DGKB: variants seen among roughly 807,000 people sequenced by gnomAD.
DGKB encodes the protein 90 kDa diacylglycerol kinase.
A neutral mutation model predicts 114.3 loss-of-function variants in DGKB; 67 were observed. That is an observed-to-expected ratio of 0.59 (90% CI 0.48 to 0.72). The LOEUF (loss-of-function observed/expected upper bound fraction) is 0.72, where lower values mean the gene tolerates loss of function less well. Ranked by LOEUF, DGKB falls within the 30% of genes least tolerant of loss-of-function variation. The probability of loss-of-function intolerance (pLI) is 0.00; values close to 1 mark genes in which losing one functional copy is unlikely to be tolerated. For missense variants in DGKB, 907 were observed against 975.2 expected (o/e 0.93, Z 0.93); for synonymous variants, 398 against 323.1 (o/e 1.23, Z -2.49).
chr7:14,592,780 G>C (rs1038460177), intron 17 of DGKB, among the ~76,000 whole-genome samples: 2 of 151,292 alleles, frequency 1.3e-5, no homozygotes, highest in Non-Finnish European at 3.0e-5. Context: ...TGTGGGTTTC[G>C]ATGTTTTATC....
chr7:14,733,350 C>G (rs559279740), intron 5 of DGKB, among the ~76,000 whole-genome samples: 1 of 152,352 alleles, frequency 6.6e-6, no homozygotes, highest in South Asian at 2.1e-4. Context: ...AAAAAAGCTT[C>G]TATCAACATG....
upstream of DGKB, among the ~76,000 whole-genome samples, chr7:14,905,110 T>C (rs188222568): frequency 1.4e-4 from 22 of 152,180 alleles, no homozygotes; most frequent in East Asian, 4.1e-3. Flanking sequence ...ACTCTAAACA[T>C]TATTGAGAGA....
intron 21 of DGKB, among the ~76,000 whole-genome samples, chr7:14,461,783 C>T (rs1833117284): frequency 6.6e-6 from 1 of 152,126 alleles, no homozygotes; most frequent in African/African-American, 2.4e-5. Flanking sequence ...GATACCAAAA[C>T]CTGGCAGAGA....
At chr7:14,414,404 A>G (rs915793824) in intron 21 of DGKB, among the ~76,000 whole-genome samples, 1 of 152,096 alleles carries the variant, frequency 6.6e-6, no homozygotes, top group Non-Finnish European at 1.5e-5. Flanking sequence ...TGACATACAA[A>G]TTGTTTTGGA....
At chr7:14,715,159 AG>A in intron 6 of DGKB, among the ~76,000 whole-genome samples, 1 of 152,306 alleles carries the variant, frequency 6.6e-6, no homozygotes. Context: ...TTATAAATCA[AG>A]AGTCAAGGTT....
intron 2 of DGKB, among the ~76,000 whole-genome samples, chr7:14,774,757 G>A (rs1195421604): frequency 6.6e-6 from 1 of 152,008 alleles, no homozygotes; most frequent in Non-Finnish European, 1.5e-5. Flanking sequence ...CAATTTTTGA[G>A]ATTTTTAAAA....
chr7:14,361,080 A>C (rs929805486), intron 21 of DGKB, among the ~76,000 whole-genome samples: 1 of 152,082 alleles, frequency 6.6e-6, no homozygotes, highest in African/African-American at 2.4e-5. Context: ...ACTTAAAAAA[A>C]ATACTTCTAA....
At chr7:14,284,877 G>C (rs12666857) in intron 23 of DGKB, among the ~76,000 whole-genome samples, 5,665 of 109,282 alleles carry the variant, frequency 0.052, 347 homozygotes, top group African/African-American at 0.15. Context: ...GGGGGGAGGG[G>C]GGAGGGATAG....
intron 23 of DGKB, among the ~76,000 whole-genome samples, chr7:14,330,020 A>G (rs1479152556): frequency 5.3e-5 from 8 of 152,064 alleles, no homozygotes; most frequent in Admixed American, 4.6e-4. Flanking sequence ...TACCACTGAT[A>G]TCAGATATCA....
At chr7:14,709,414 C>T (rs1322788561) in intron 6 of DGKB, among the ~76,000 whole-genome samples, 4 of 124,264 alleles carry the variant, frequency 3.2e-5, no homozygotes, top group Non-Finnish European at 6.9e-5. Flanking sequence ...GTGGCGATTC[C>T]TCAGGGATCT....
chr7:14,194,521 A>C (rs982959547), intron 23 of DGKB, among the ~76,000 whole-genome samples: 1 of 152,156 alleles, frequency 6.6e-6, no homozygotes, highest in Non-Finnish European at 1.5e-5. Flanking sequence ...TATAACAAGA[A>C]GATAAGAATC....
chr7:14,375,280 CTT>C (rs1441885916), intron 21 of DGKB, among the ~76,000 whole-genome samples: 1 of 152,188 alleles, frequency 6.6e-6, no homozygotes, highest in Non-Finnish European at 1.5e-5. Flanking sequence ...TCTCTTTTCT[CTT>C]TTAGATATGT....
At chr7:14,735,257 G>T (rs190262404) in intron 5 of DGKB, among the ~76,000 whole-genome samples, 1 of 152,080 alleles carries the variant, frequency 6.6e-6, no homozygotes, top group African/African-American at 2.4e-5. Flanking sequence ...TTCCACAAAA[G>T]TCCAAGGGCT....
intron 23 of DGKB, among the ~76,000 whole-genome samples, chr7:14,230,018 C>T (rs115206546): frequency 0.02 from 3,054 of 151,884 alleles, 83 homozygotes; most frequent in African/African-American, 0.061. Flanking sequence ...GGAGGAGGTG[C>T]GAAAAAGAGT....
chr7:14,519,686 C>T (rs1789425115), intron 20 of DGKB, among the ~76,000 whole-genome samples: 1 of 151,734 alleles, frequency 6.6e-6, no homozygotes, highest in South Asian at 2.1e-4. Flanking sequence ...GTGGAGGTTC[C>T]AGGTATTGGA....
At chr7:14,596,185 G>A (rs1203892767) in intron 17 of DGKB, among the ~76,000 whole-genome samples, 1 of 152,068 alleles carries the variant, frequency 6.6e-6, no homozygotes, top group Non-Finnish European at 1.5e-5. Context: ...CAGGAATAAT[G>A]ATACATTTAA....
intron 21 of DGKB, among the ~76,000 whole-genome samples, chr7:14,391,885 T>A (rs1305094923): frequency 6.6e-6 from 1 of 152,204 alleles, no homozygotes; most frequent in Non-Finnish European, 1.5e-5. Context: ...ACTTTACTAA[T>A]CATATGAAAT....
chr7:14,249,601 T>C (rs2128386988), intron 23 of DGKB, among the ~76,000 whole-genome samples: 1 of 152,286 alleles, frequency 6.6e-6, no homozygotes, highest in Admixed American at 6.5e-5. Context: ...AACCATTTTT[T>C]CAAGGTTATC....
chr7:14,849,432 G>C (rs143408420), intron 1 of DGKB, among the ~76,000 whole-genome samples: 2 of 152,152 alleles, frequency 1.3e-5, no homozygotes, highest in East Asian at 3.9e-4. Context: ...CTTTATAAAA[G>C]GGCAAGTTCA....
Sources: gnomAD v4.1 joint callset for allele counts (sites outside exome capture counted in the v4.1 genomes callset) on GRCh38, gnomAD v4.1.1 for gene constraint, MANE v1.5 for transcripts, NCBI Gene and HGNC (gene_info 2026-07-23, HGNC 2026-07-21) for gene names.